CDC42BPA: variants seen among roughly 807,000 people sequenced by gnomAD.
CDC42BPA encodes the protein serine/threonine-protein kinase MRCK alpha.
Under a neutral mutation model 223.5 loss-of-function variants are expected in CDC42BPA, and 80 were observed. The observed-to-expected ratio is 0.36, with a 90% confidence interval of 0.30 to 0.43. The LOEUF is 0.43. Ranked by LOEUF, CDC42BPA falls within the 20% of genes least tolerant of loss-of-function variation. The probability of loss-of-function intolerance (pLI) is 1.00; values close to 1 mark genes in which losing one functional copy is unlikely to be tolerated. For missense variants in CDC42BPA, 1,743 were observed against 2,099.9 expected (o/e 0.83, Z 3.32); for synonymous variants, 694 against 718.6 (o/e 0.97, Z 0.55).
intron 3 of CDC42BPA, among the ~76,000 whole-genome samples, chr1:227,212,538 G>A (rs916380312): frequency 2.0e-5 from 3 of 151,966 alleles, no homozygotes; most frequent in Admixed American, 6.6e-5. Context: ...CCCCCCAGAA[G>A]TCCACTCCAA....
At chr1:227,196,681 T>A (rs1485902122) in intron 4 of CDC42BPA, among the ~76,000 whole-genome samples, 4 of 152,184 alleles carry the variant, frequency 2.6e-5, no homozygotes, top group Non-Finnish European at 4.4e-5. Flanking sequence ...TCTAATAATT[T>A]CTGTCTTCAC....
chr1:227,253,842 A>T (rs1344086833), intron 2 of CDC42BPA, among the ~76,000 whole-genome samples: 1 of 152,148 alleles, frequency 6.6e-6, no homozygotes, highest in East Asian at 1.9e-4. Flanking sequence ...TACATGTGAA[A>T]ACATGATCTT....
chr1:227,218,169 T>C (rs1018792231), intron 2 of CDC42BPA, among the ~76,000 whole-genome samples: 1 of 152,168 alleles, frequency 6.6e-6, no homozygotes, highest in Non-Finnish European at 1.5e-5. Context: ...ACAACTAAAC[T>C]GACACTAAAA....
rs200412143 is a variant in CDC42BPA at position 226,990,171 on chromosome 1, CTG to C, written c.*4095_*4096del. 4,356 of 132,056 alleles carry C rather than the reference CTG, an allele frequency of 0.033. 87 individuals carry two copies. Among genetic ancestry groups the C allele is most frequent in the Non-Finnish European group, 0.049 (2,792 of 56,410 alleles). The allele number at this position is 132,056 out of a possible 1,614,324, so 8.2% of individuals were successfully genotyped here. A position where few individuals can be genotyped will look rare whatever the true frequency, so the allele number is the denominator to read the frequency against. The stretch of plus-strand genomic sequence containing the variant: ...AATGATCACACCAGGCCATGCAAAA[CTG>C]TACAATATTACGAGAAAAACCCTAA... On this transcript the variant is annotated 3_prime_UTR_variant, in exon 37 of 37. Transcript: ENST00000366766.
chr1:227,181,158 G>GC (rs1667867817), intron 5 of CDC42BPA, among the ~76,000 whole-genome samples: 1 of 151,968 alleles, frequency 6.6e-6, no homozygotes, highest in Non-Finnish European at 1.5e-5. Flanking sequence ...AAATTAAAGT[G>GC]CATCTATTCA....
intron 1 of CDC42BPA, among the ~76,000 whole-genome samples, chr1:227,262,249 A>G (rs1226102148): frequency 1.3e-5 from 2 of 152,198 alleles, no homozygotes; most frequent in Non-Finnish European, 2.9e-5. Context: ...ACCAAGTAAA[A>G]CAAGAAATGA....
At chr1:227,147,267 ACT>A in intron 7 of CDC42BPA, 90 bp downstream of exon 7, 1 of 835,608 alleles carries the variant, frequency 1.2e-6, no homozygotes, top group Non-Finnish European at 1.8e-6. Flanking sequence ...GTGATTGTTC[ACT>A]GTTTTTAGAA....
intron 35 of CDC42BPA, among the ~76,000 whole-genome samples, chr1:226,995,679 G>A (rs528672452): frequency 6.6e-6 from 1 of 152,160 alleles, no homozygotes; most frequent in Non-Finnish European, 1.5e-5. Context: ...GTTGGGGTAG[G>A]TAACAGTGGA....
chr1:227,141,981 A>C (rs1196136332), intron 9 of CDC42BPA, among the ~76,000 whole-genome samples: 1 of 152,194 alleles, frequency 6.6e-6, no homozygotes, highest in Non-Finnish European at 1.5e-5. Context: ...TCTTAAAAAA[A>C]AAGAAAGTAA....
At position 227,297,967 on chromosome 1, in the gene CDC42BPA, T is replaced by TATACACACACAC. The variant is rs369403944; in HGVS notation, c.178+19037_178+19038insGTGTGTGTGTAT. Reference sequence around the variant, plus strand: ...GTGTGTGTGTGTGTATATATACATATACACACACACACACATATATACATA... The same window carrying TATACACACACAC: ...GTGTGTGTGTGTGTATATATACATATATACACACACACACACACACACACACATATATACATA... On this transcript the variant is annotated intron_variant, in intron 1 of 36. Transcript: ENST00000366766. Among the ~76,000 whole-genome samples, 239 of 132,064 alleles carry TATACACACACAC rather than the reference T, an allele frequency of 1.8e-3. 3 individuals carry two copies. The East Asian group carries it at 0.027, about 15-fold the overall frequency. 86.6% of individuals were successfully genotyped at this position (132,064 alleles called of 152,430 possible).
chr1:227,021,814 T>TG (rs1421527458), intron 32 of CDC42BPA, among the ~76,000 whole-genome samples: 1 of 151,882 alleles, frequency 6.6e-6, no homozygotes, highest in Non-Finnish European at 1.5e-5. Context: ...GGTCAGGAGA[T>TG]GGAGATCATC....
intron 21 of CDC42BPA, among the ~76,000 whole-genome samples, chr1:227,054,778 T>TA (rs1440168308): frequency 6.6e-6 from 1 of 152,040 alleles, no homozygotes; most frequent in Non-Finnish European, 1.5e-5. Flanking sequence ...CTGAATGAGG[T>TA]AAAAGGTGGT....
At chr1:227,064,981 C>T (rs1676698078) in intron 21 of CDC42BPA, among the ~76,000 whole-genome samples, 3 of 151,930 alleles carry the variant, frequency 2.0e-5, no homozygotes, top group African/African-American at 7.3e-5. Flanking sequence ...CCTGTGGTCC[C>T]AGCTACTCGG....
In CDC42BPA at chr1:227,072,211, T is replaced by C. The variant is rs1376826810; in HGVS notation, c.2824A>G (p.Lys942Glu). The C allele has an allele frequency of 5.7e-6, 9 of 1,584,740 alleles. No homozygotes were observed. The highest frequency in any genetic ancestry group is 7.8e-6 in the Non-Finnish European group (9 of 1,155,790). Residue 942 changes from lysine to glutamate, a missense_variant, in exon 20 of 37, where the codon AAG (lysine) becomes GAG (glutamate). By Grantham distance (56) the Lys-to-Glu change is moderately conservative. This residue lies in a region of CDC42BPA where 678 missense variants were observed against 777.5 expected (regional missense o/e 0.87). Transcript: ENST00000366766. ...AGGCAAACACACACTCCCATACCCT[T>C]TTCAGATCTAAGCTCTTCAGTGTCC... ...IKDTEELRSE[K>E]GIEHQDSQHS... is the part of the protein sequence containing the mutation.
intron 35 of CDC42BPA, among the ~76,000 whole-genome samples, chr1:227,000,119 T>C (rs1662499248): frequency 2.3e-5 from 3 of 131,416 alleles, no homozygotes; most frequent in Non-Finnish European, 5.3e-5. Context: ...ATAATAATAA[T>C]AATAATAATA....
chr1:227,265,305 C>T, intron 1 of CDC42BPA: 2 of 463,140 alleles, frequency 4.3e-6, no homozygotes, highest in Non-Finnish European at 7.9e-6. Context: ...GGCTTCGTTT[C>T]CCTACCTGTA....
intron 11 of CDC42BPA, among the ~76,000 whole-genome samples, chr1:227,126,713 C>A (rs1348455282): frequency 2.6e-5 from 4 of 152,076 alleles, no homozygotes; most frequent in East Asian, 3.8e-4. Flanking sequence ...ATGTAATTCA[C>A]CATATTAACA....
At chr1:227,058,659 T>C (rs929533522) in intron 21 of CDC42BPA, among the ~76,000 whole-genome samples, 11 of 152,302 alleles carry the variant, frequency 7.2e-5, no homozygotes, top group Non-Finnish European at 1.0e-4. Context: ...GTCAGAATCT[T>C]GTAGCACAGA....
intron 32 of CDC42BPA, 99 bp from the exon 33 acceptor site, chr1:227,017,149 A>G (rs1229530142): frequency 9.5e-7 from 1 of 1,052,112 alleles, no homozygotes; most frequent in East Asian, 2.5e-5. Context: ...TGATAGTACA[A>G]GTACATGCAA....
Sources: allele counts gnomAD v4.1 joint callset (sites outside exome capture counted in the v4.1 genomes callset), GRCh38; gene constraint gnomAD v4.1.1; regional missense constraint gnomAD v4.1.1; transcripts MANE v1.5; gene names NCBI Gene and HGNC (gene_info 2026-07-23, HGNC 2026-07-21).